The following TRIM66 variants were observed in gnomAD, a reference collection of about 807,000 sequenced individuals.
The protein encoded by TRIM66 is tripartite motif containing 66.
Under a neutral mutation model 148.2 loss-of-function variants are expected in TRIM66, and 99 were observed. That is an observed-to-expected ratio of 0.67 (90% CI 0.57 to 0.79). TRIM66 has a LOEUF of 0.79. TRIM66 is among the 30% of genes least tolerant of loss of function. TRIM66 has a pLI of 0.00. For missense variants in TRIM66, 1,666 were observed against 1,697.9 expected (o/e 0.98, Z 0.33); for synonymous variants, 616 against 635.9 (o/e 0.97, Z 0.47).
At chr11:8,619,316 C>T in intron 23 of TRIM66, 67 bp downstream of exon 23, 2 of 1,336,562 alleles carry the variant, frequency 1.5e-6, no homozygotes, top group South Asian at 3.1e-5. Flanking sequence ...ACCTCCCAAC[C>T]CTACCCACCC....
intron 6 of TRIM66, among the ~76,000 whole-genome samples, chr11:8,670,015 T>TA (rs1001750465): frequency 1.4e-5 from 2 of 143,364 alleles, no homozygotes; most frequent in African/African-American, 5.3e-5. Context: ...TTGTTTTTAT[T>TA]TATTTTTTTT....
At chr11:8,662,202 C>T (rs1174660994) in intron 6 of TRIM66, among the ~76,000 whole-genome samples, 1 of 152,198 alleles carries the variant, frequency 6.6e-6, no homozygotes, top group East Asian at 1.9e-4. Context: ...AGGCTGGACA[C>T]ACTGCAGCAC....
chr11:8,642,551 C>T (rs937441061), intron 13 of TRIM66, among the ~76,000 whole-genome samples: 3 of 152,114 alleles, frequency 2.0e-5, no homozygotes, highest in Admixed American at 6.5e-5. Context: ...CATCTCAACT[C>T]GAAAGGATAT....
chr11:8,654,917 G>A (rs958297632), intron 6 of TRIM66, among the ~76,000 whole-genome samples: 3 of 152,128 alleles, frequency 2.0e-5, no homozygotes, highest in Non-Finnish European at 4.4e-5. Flanking sequence ...GTGGACTGCA[G>A]CGGCACAATC....
In TRIM66 at chr11:8,621,769, T is replaced by G. The variant is rs748560078; in HGVS notation, c.3131A>C (p.Lys1044Thr). The G allele has an allele frequency of 1.3e-6, 2 of 1,551,038 alleles. No individual in the cohort carries two copies. The highest frequency in any genetic ancestry group is 2.7e-5 in the African/African-American group (2 of 72,986). ...CTCTCCTGAGGAGGCAGCACAGATC[T>G]TGAGTCGCTCCAGTCGCACATAGGG... is the stretch of plus-strand genomic sequence containing the variant. ...KIPYVRLERL[K>T]ICAASSGEMP... Residue 1044 changes from lysine (K) to threonine (T), a missense_variant, in exon 19 of 25, where the codon AAG becomes ACG. Coordinates refer to ENST00000646038, the MANE Select transcript of TRIM66 (RefSeq NM_001388022.1).
At position 8,620,056 on chromosome 11, in the gene TRIM66, G is replaced by T; in HGVS notation, c.3741C>A (p.Ser1247Arg). The T allele has an allele frequency of 1.3e-6, 2 of 1,551,656 alleles. No homozygotes were observed. The highest frequency in any genetic ancestry group is 1.7e-6 in the Non-Finnish European group (2 of 1,146,936). ...ACAGCGTGGCCTTCCTTACCAGGGGGCTGACAGGTTCATGGAAGGGCAGGC... is the reference window on the plus strand; with the variant it reads ...ACAGCGTGGCCTTCCTTACCAGGGGTCTGACAGGTTCATGGAAGGGCAGGC... ...NLSLPFHEPV[S>R]PLARHYYQII... Residue 1247 changes from serine to arginine, a missense_variant, in exon 22 of 25, where the codon AGC (serine) becomes AGA (arginine). By Grantham distance (110) the Ser-to-Arg change is moderately radical. Coordinates refer to ENST00000646038, the MANE Select transcript of TRIM66 (RefSeq NM_001388022.1).
chr11:8,675,257 C>T (rs1304925059), intron 3 of TRIM66, among the ~76,000 whole-genome samples: 1 of 152,232 alleles, frequency 6.6e-6, no homozygotes, highest in African/African-American at 2.4e-5. Context: ...ATGGAGGCAG[C>T]AAAAACTACC....
rs149348045 is a variant in TRIM66, at chr11:8,637,937, T to C, written c.2310+717A>G. On this transcript the variant is annotated intron_variant, in intron 15 of 24. Coordinates refer to ENST00000646038, the MANE Select transcript of TRIM66 (RefSeq NM_001388022.1). ...GTGAAGGGGCAGAGGTGAGAATAGA[T>C]AGTTGAGGATTTGTGGGGTTCTGGG... Among the ~76,000 whole-genome samples, 310 of 152,246 alleles carry C rather than the reference T, an allele frequency of 2.0e-3. 3 individuals carry two copies. The highest frequency in any genetic ancestry group is 0.02 in the South Asian group (98 of 4,830).
chr11:8,620,133 T>G lies in TRIM66; in HGVS notation c.3673-9A>C. 1 of 1,551,482 alleles carries G rather than the reference T, an allele frequency of 6.4e-7. No homozygotes were observed. ...ACCAGCTTCTCACACTTCTGCAAAA[T>G]CAGAATTGGCAACAGAGTCACTTTG... On this transcript the variant is annotated splice_polypyrimidine_tract_variant and intron_variant, in intron 21 of 24. Transcript: ENST00000646038.
intron 6 of TRIM66, among the ~76,000 whole-genome samples, chr11:8,670,010 T>G (rs2038839317): frequency 7.4e-6 from 1 of 134,318 alleles, no homozygotes; most frequent in African/African-American, 2.8e-5. Flanking sequence ...TTGTTTTGTT[T>G]TTATTTATTT....
At chr11:8,622,301 ATGTG>A (rs564208349) in intron 18 of TRIM66, among the ~76,000 whole-genome samples, 1 of 141,510 alleles carries the variant, frequency 7.1e-6, no homozygotes, top group Non-Finnish European at 1.5e-5. Flanking sequence ...GTATATATAT[ATGTG>A]TGTGTGTATA....
At chr11:8,660,513 T>C (rs1203371651) in intron 6 of TRIM66, among the ~76,000 whole-genome samples, 2 of 152,250 alleles carry the variant, frequency 1.3e-5, no homozygotes, top group Non-Finnish European at 2.9e-5. Context: ...GTAATGCCCA[T>C]TCATTTCCAT....
At chr11:8,655,523 C>T (rs1253325843) in intron 6 of TRIM66, among the ~76,000 whole-genome samples, 1 of 152,176 alleles carries the variant, frequency 6.6e-6, no homozygotes, top group African/African-American at 2.4e-5. Context: ...TGGCTCATGC[C>T]TGTAATCCCA....
rs754459868 is a variant in TRIM66 at position 8,670,128 on chromosome 11, T to C, written c.340+1658A>G. On this transcript the variant is annotated intron_variant, in intron 6 of 24. Transcript: ENST00000646038. ...CCTGGGTTCAAGTGATTCTCATGCCTCAGCCTCCCGAGTAGCTGGGACTAT... is the reference window on the plus strand; with the variant it reads ...CCTGGGTTCAAGTGATTCTCATGCCCCAGCCTCCCGAGTAGCTGGGACTAT... Among the ~76,000 whole-genome samples the C allele has an allele frequency of 1.2e-3, 189 of 151,738 alleles. 1 individual carries two copies. The highest frequency in any genetic ancestry group is 1.1e-3 in the Non-Finnish European group (74 of 67,926).
intron 12 of TRIM66, among the ~76,000 whole-genome samples, chr11:8,644,728 CTA>C (rs1228353724): frequency 6.6e-6 from 1 of 152,150 alleles, no homozygotes; most frequent in Non-Finnish European, 1.5e-5. Flanking sequence ...TCTTCTCAGG[CTA>C]TGTTTTTATT....
intron 15 of TRIM66, among the ~76,000 whole-genome samples, chr11:8,629,385 T>C (rs144196252): frequency 3.7e-4 from 57 of 152,332 alleles, no homozygotes; most frequent in African/African-American, 1.0e-3. Context: ...ATGCTGGACA[T>C]TGAGAATTAT....
Position 8,617,759 on chromosome 11 carries a change from T to C in TRIM66, c.*185A>G. ...TTTCCTGTTTATTACTGAAATCTTC[T>C]CTGTAGTGGATGTACTACGGCTCCC... is the stretch of plus-strand genomic sequence containing the variant. On this transcript the variant is annotated 3_prime_UTR_variant, in exon 25 of 25. Transcript: ENST00000646038. 1 of 588,196 alleles carries C rather than the reference T, an allele frequency of 1.7e-6. No homozygotes were observed. Among genetic ancestry groups the C allele is most frequent in the Non-Finnish European group, 3.0e-6 (1 of 329,548 alleles). The allele number at this position is 588,196 out of a possible 1,614,324, so 36.4% of individuals were successfully genotyped here. A position where few individuals can be genotyped will look rare whatever the true frequency, so the allele number is the denominator to read the frequency against.
At chr11:8,677,903 T>C (rs891410850) in intron 3 of TRIM66, among the ~76,000 whole-genome samples, 1 of 152,196 alleles carries the variant, frequency 6.6e-6, no homozygotes, top group African/African-American at 2.4e-5. Context: ...AAATTCCTAA[T>C]CTTCCAATTA....
rs1592023137 is a variant in TRIM66 at position 8,624,485 on chromosome 11, C to T, written c.2893G>A (p.Asp965Asn). Reference sequence around the variant, plus strand: ...GGGATGGCCAAGTCCTTGGGAGCATCCAGACCGGGGACTATGGGACCTTGT... The same window carrying T: ...GGGATGGCCAAGTCCTTGGGAGCATTCAGACCGGGGACTATGGGACCTTGT... Reference protein sequence around the residue: ...LGQGPIVPGLDAPKDLAIPSE... With the variant: ...LGQGPIVPGLNAPKDLAIPSE... The change falls in exon 17 of 25, where the codon GAT becomes AAT. Residue 965 changes from aspartate to asparagine, a missense_variant. Physicochemically the swap from Asp to Asn is conservative, Grantham distance 23. Around this residue, in one of 3 missense-constraint regions of TRIM66, gnomAD observed 1,431 missense variants for 1,412.4 expected, o/e 1.01. Coordinates refer to ENST00000646038, the MANE Select transcript of TRIM66 (RefSeq NM_001388022.1). 3 of 1,551,550 alleles carry T rather than the reference C, an allele frequency of 1.9e-6. No individual in the cohort carries two copies. In the East Asian group the frequency reaches 7.3e-5, roughly 38 times the overall value.
Sources: gnomAD v4.1 joint callset for allele counts (sites outside exome capture counted in the v4.1 genomes callset) on GRCh38, gnomAD v4.1.1 for gene constraint, gnomAD v4.1.1 regional missense constraint, MANE v1.5 for transcripts, NCBI Gene and HGNC (gene_info 2026-07-23, HGNC 2026-07-21) for gene names.